CALN1: variants seen among roughly 807,000 people sequenced by gnomAD.
CALN1 encodes the protein calcium-binding protein 8.
Under a neutral mutation model 30.6 loss-of-function variants are expected in CALN1, and 17 were observed. The observed-to-expected ratio is 0.56, with a 90% CI of 0.38 to 0.83. CALN1 has a LOEUF of 0.83. Ranked by LOEUF, CALN1 falls within the 40% of genes least tolerant of loss-of-function variation. The pLI, the probability that CALN1 is intolerant of heterozygous loss-of-function variation, is 0.00. For missense variants in CALN1, 291 were observed against 354.9 expected (o/e 0.82, Z 1.45); for synonymous variants, 156 against 131.4 (o/e 1.19, Z -1.28).
intron 4 of CALN1, among the ~76,000 whole-genome samples, chr7:72,067,018 A>G (rs1438811733): frequency 6.7e-6 from 1 of 150,146 alleles, no homozygotes; most frequent in Non-Finnish European, 1.5e-5. Context: ...TGAACTCCTG[A>G]GCTCAGGCAA....
intron 4 of CALN1, among the ~76,000 whole-genome samples, chr7:72,084,396 T>C (rs1030259880): frequency 9.9e-5 from 15 of 151,876 alleles, no homozygotes; most frequent in African/African-American, 3.4e-4. Flanking sequence ...ATTTTTTTTT[T>C]TTTTTTCTGG....
chr7:72,124,754 A>G (rs1808622861), intron 3 of CALN1, among the ~76,000 whole-genome samples: 2 of 152,040 alleles, frequency 1.3e-5, no homozygotes, highest in South Asian at 2.1e-4. Context: ...AAAAAAAAAC[A>G]TGAAGATAAA....
intron 3 of CALN1, among the ~76,000 whole-genome samples, chr7:72,183,459 G>C (rs1045620098): frequency 7.2e-4 from 109 of 152,252 alleles, no homozygotes; most frequent in African/African-American, 2.5e-3. Context: ...AAAGGAGGCA[G>C]AAATTCATTC....
intron 2 of CALN1, among the ~76,000 whole-genome samples, chr7:72,312,092 A>C (rs550072174): frequency 1.7e-4 from 26 of 152,128 alleles, no homozygotes; most frequent in South Asian, 2.1e-4. Context: ...AGACTACAAG[A>C]AGCATTCTGG....
intron 3 of CALN1, among the ~76,000 whole-genome samples, chr7:72,272,565 G>GAA (rs1424853357): frequency 6.6e-6 from 1 of 151,472 alleles, no homozygotes; most frequent in Non-Finnish European, 1.5e-5. Flanking sequence ...CTGTCTCCAC[G>GAA]AAAAAAAAGA....
chr7:72,501,842 G>A, the CALN1 span, among the ~76,000 whole-genome samples: 5 of 143,438 alleles, frequency 3.5e-5, no homozygotes, highest in African/African-American at 1.3e-4. Flanking sequence ...CCAGGAGGTG[G>A]AAGTTGCAGT....
chr7:72,213,315 G>T (rs1368297597), intron 3 of CALN1, among the ~76,000 whole-genome samples: 1 of 152,212 alleles, frequency 6.6e-6, no homozygotes, highest in Non-Finnish European at 1.5e-5. Flanking sequence ...GGAATTTTCT[G>T]AATTATTTGC....
At chr7:71,857,024 G>GTGTA (rs1790994829) in intron 5 of CALN1, among the ~76,000 whole-genome samples, 1 of 91,696 alleles carries the variant, frequency 1.1e-5, no homozygotes, top group Non-Finnish European at 2.3e-5. Flanking sequence ...GTATGTGTGT[G>GTGTA]TGTGTGTGTG....
chr7:72,304,498 T>A (rs10256008), intron 2 of CALN1, among the ~76,000 whole-genome samples: 28,142 of 151,798 alleles, frequency 0.19, 3,633 homozygotes, highest in East Asian at 0.41. Flanking sequence ...AAATGAATTT[T>A]AAAAAAAATC....
chr7:72,218,281 T>C (rs1327850768), intron 3 of CALN1, among the ~76,000 whole-genome samples: 3 of 151,736 alleles, frequency 2.0e-5, no homozygotes, highest in African/African-American at 7.3e-5. Flanking sequence ...ACCCCATCTC[T>C]ACTAAAAATA....
chr7:71,919,502 C>T (rs1489770381), intron 5 of CALN1, among the ~76,000 whole-genome samples: 1 of 152,202 alleles, frequency 6.6e-6, no homozygotes, highest in Admixed American at 6.5e-5. Flanking sequence ...AGTCCCTGAT[C>T]TCAATGCAGT....
intron 2 of CALN1, among the ~76,000 whole-genome samples, chr7:72,393,690 T>C (rs923449762): frequency 1.3e-5 from 2 of 151,952 alleles, no homozygotes; most frequent in African/African-American, 4.8e-5. Context: ...CAAAGCCCTT[T>C]TGAAGGAATC....
At chr7:72,183,621 C>T (rs575071064) in intron 3 of CALN1, among the ~76,000 whole-genome samples, 1 of 152,278 alleles carries the variant, frequency 6.6e-6, no homozygotes, top group African/African-American at 2.4e-5. Context: ...AGCCAAATCA[C>T]AGTGCAAATT....
chr7:72,222,303 G>A (rs1793365071), intron 3 of CALN1, among the ~76,000 whole-genome samples: 1 of 152,148 alleles, frequency 6.6e-6, no homozygotes, highest in African/African-American at 2.4e-5. Context: ...GCCTATACTG[G>A]AAGTGTGATG....
In CALN1 at chr7:71,784,528, G is replaced by A; in HGVS notation, c.*3247C>T. The A allele has an allele frequency of 3.2e-6, 1 of 310,594 alleles. No individual in the cohort carries two copies. Among genetic ancestry groups the A allele is most frequent in the Non-Finnish European group, 5.9e-6 (1 of 170,560 alleles). 19.2% of individuals were successfully genotyped at this position (310,594 alleles called of 1,614,324 possible). A position where few individuals can be genotyped will look rare whatever the true frequency, so the allele number is the denominator to read the frequency against. On this transcript the variant is annotated 3_prime_UTR_variant, in exon 7 of 7. Transcript: ENST00000395275. The stretch of plus-strand genomic sequence containing the variant: ...TAGATTCTGTCTGGGGGCTTTGTGG[G>A]TATCTGGAAAGGTGGGGCGCAGCTT...
rs138098105 is a variant in CALN1, at chr7:71,825,071, C to T, written c.502-14579G>A. 5.7e-4 allele frequency among the ~76,000 whole-genome samples: 87 copies of T among 152,274 alleles called. No homozygotes were observed. In the East Asian group the frequency reaches 9.5e-3, roughly 17 times the overall value. On this transcript the variant is annotated intron_variant, in intron 5 of 6. Coordinates refer to ENST00000395275, the MANE Select transcript of CALN1 (RefSeq NM_031468.4). Reference sequence around the variant, plus strand: ...TCTCCTTCCTCCTTGGTCCCCACAGCGCAAACAATGCAGCCTCTTCTATCA... The same window carrying T: ...TCTCCTTCCTCCTTGGTCCCCACAGTGCAAACAATGCAGCCTCTTCTATCA...
intron 2 of CALN1, among the ~76,000 whole-genome samples, chr7:72,319,338 C>G (rs1277143040): frequency 6.6e-6 from 1 of 152,184 alleles, no homozygotes; most frequent in Non-Finnish European, 1.5e-5. Context: ...TCACATCTTA[C>G]ATGAATGGTG....
the CALN1 span, among the ~76,000 whole-genome samples, chr7:72,476,022 C>T: frequency 6.9e-6 from 1 of 144,740 alleles, no homozygotes; most frequent in East Asian, 2.2e-4. Flanking sequence ...GATCTCACCT[C>T]ACTGCAACCT....
At chr7:72,157,147 T>C (rs577145146) in intron 3 of CALN1, among the ~76,000 whole-genome samples, 2 of 152,372 alleles carry the variant, frequency 1.3e-5, no homozygotes, top group South Asian at 2.1e-4. Flanking sequence ...ATCGATGACA[T>C]GGGAACTACT....
Sources: allele counts gnomAD v4.1 joint callset (sites outside exome capture counted in the v4.1 genomes callset), GRCh38; gene constraint gnomAD v4.1.1; transcripts MANE v1.5; gene names NCBI Gene and HGNC (gene_info 2026-07-23, HGNC 2026-07-21).